The following FRMPD4 variants were observed in gnomAD, a reference collection of about 807,000 sequenced individuals.
The protein encoded by FRMPD4 is FERM and PDZ domain-containing protein 4.
Under a neutral mutation model 94.1 loss-of-function variants are expected in FRMPD4, and 22 were observed. The observed-to-expected ratio is 0.23, with a 90% CI of 0.17 to 0.33. The LOEUF is 0.33. FRMPD4 is among the 10% of genes least tolerant of loss of function. FRMPD4 has a pLI of 1.00. For missense variants in FRMPD4, 1,111 were observed against 1,339.9 expected (o/e 0.83, Z 2.67); for synonymous variants, 631 against 548.6 (o/e 1.15, Z -2.10).
chrX:12,190,303 A>G (rs1291103337), intron 1 of FRMPD4, among the ~76,000 whole-genome samples: 1 of 111,360 alleles, frequency 9.0e-6, no homozygotes, highest in Non-Finnish European at 1.9e-5. Context: ...CTATGGGTTC[A>G]ATACAATCCC....
At chrX:11,900,191 T>C (rs1466321079) in intron 3 of FRMPD4, among the ~76,000 whole-genome samples, 2 of 36,287 alleles carry the variant, frequency 5.5e-5, no homozygotes, top group African/African-American at 7.7e-5. Context: ...TTTCAGAGGA[T>C]TTTTTTTTTT....
chrX:12,156,572 C>T (rs1359113573), intron 1 of FRMPD4, among the ~76,000 whole-genome samples: 3 of 111,998 alleles, frequency 2.7e-5, no homozygotes, highest in Non-Finnish European at 3.8e-5. Context: ...AAATGTGCTT[C>T]TCTGTGTTCC....
intron 2 of FRMPD4, among the ~76,000 whole-genome samples, chrX:12,517,634 T>C (rs1037124635): frequency 3.6e-5 from 4 of 112,551 alleles, no homozygotes; most frequent in Non-Finnish European, 5.6e-5. Flanking sequence ...GGAATGCCCC[T>C]GAATAAGGTA....
chrX:11,979,352 GT>G (rs1193246545), intron 3 of FRMPD4, among the ~76,000 whole-genome samples: 1 of 111,992 alleles, frequency 8.9e-6, no homozygotes, highest in Non-Finnish European at 1.9e-5. Context: ...TTCCCTATTT[GT>G]TCTTTTCTTA....
At chrX:11,977,988 C>T (rs1024403559) in intron 3 of FRMPD4, among the ~76,000 whole-genome samples, 3 of 109,593 alleles carry the variant, frequency 2.7e-5, no homozygotes, top group African/African-American at 1.0e-4. Context: ...TGTCCGACCC[C>T]CACTTCCCAT....
At position 12,138,815 on chromosome X, in the gene FRMPD4, A is replaced by G; in HGVS notation, c.-157A>G. On this transcript the variant is annotated 5_prime_UTR_variant, in exon 1 of 17. Coordinates refer to ENST00000675598, the MANE Select transcript of FRMPD4 (RefSeq NM_001368397.1). Reference sequence around the variant, plus strand: ...GAGGGGGGTAGCAGCCGCCGCCTCCAGGTGCAGGTTCTCTCCGGCCGCCGC... The same window carrying G: ...GAGGGGGGTAGCAGCCGCCGCCTCCGGGTGCAGGTTCTCTCCGGCCGCCGC... 1 of 382,711 alleles carries G rather than the reference A, an allele frequency of 2.6e-6. No individual in the cohort carries two copies. Among genetic ancestry groups the G allele is most frequent in the South Asian group, 7.1e-5 (1 of 14,028 alleles). The allele number at this position is 382,711 out of a possible 1,213,427, so 31.5% of individuals were successfully genotyped here. A position where few individuals can be genotyped will look rare whatever the true frequency, so the allele number is the denominator to read the frequency against.
intron 4 of FRMPD4, among the ~76,000 whole-genome samples, chrX:12,661,168 A>C (rs1275213492): frequency 1.8e-5 from 2 of 112,428 alleles, no homozygotes; most frequent in Non-Finnish European, 3.8e-5. Context: ...GTCCAGATTC[A>C]AGGGGAGGAG....
intron 3 of FRMPD4, among the ~76,000 whole-genome samples, chrX:12,047,777 C>T (rs1417049743): frequency 8.9e-6 from 1 of 112,377 alleles, no homozygotes; most frequent in Non-Finnish European, 1.9e-5. Flanking sequence ...TGTTAGTTCA[C>T]TTAGGATAAT....
chrX:12,282,498 T>A (rs182948779), intron 1 of FRMPD4, among the ~76,000 whole-genome samples: 4 of 112,418 alleles, frequency 3.6e-5, no homozygotes, highest in African/African-American at 1.3e-4. Flanking sequence ...GAGGCAAAAG[T>A]GCCTTGGGCC....
In FRMPD4 at chrX:12,459,223, G is replaced by C. The variant is rs984585917; in HGVS notation, c.42-39457G>C. ...TTTCTCCCAGGATCCTTTTTTTTAA[G>C]TAAGTTGAAATACATATTTTGTTAG... On this transcript the variant is annotated intron_variant, in intron 1 of 16. Coordinates refer to ENST00000675598, the MANE Select transcript of FRMPD4 (RefSeq NM_001368397.1). 3.6e-5 allele frequency among the ~76,000 whole-genome samples: 4 copies of C among 109,892 alleles called. No homozygotes were observed. In the Admixed American group the frequency reaches 3.9e-4, roughly 11 times the overall value.
intron 2 of FRMPD4, among the ~76,000 whole-genome samples, chrX:12,604,124 A>G (rs985694012): frequency 3.0e-5 from 3 of 100,211 alleles, no homozygotes; most frequent in East Asian, 3.0e-4. Context: ...TGGGTAGAGG[A>G]AAAAAAAAAA....
chrX:12,183,710 C>A (rs772270691), intron 1 of FRMPD4, among the ~76,000 whole-genome samples: 1 of 111,156 alleles, frequency 9.0e-6, no homozygotes, highest in African/African-American at 3.3e-5. Context: ...CCCTTGCTGT[C>A]TTCTGTGGAG....
intron 2 of FRMPD4, among the ~76,000 whole-genome samples, chrX:12,509,506 T>C (rs1026185509): frequency 1.8e-5 from 2 of 112,088 alleles, no homozygotes; most frequent in Admixed American, 9.5e-5. Flanking sequence ...ACATCATATG[T>C]TCTCACTCAT....
At chrX:12,173,408 G>A (rs1009735078) in intron 1 of FRMPD4, among the ~76,000 whole-genome samples, 2 of 112,376 alleles carry the variant, frequency 1.8e-5, no homozygotes, top group Non-Finnish European at 3.8e-5. Context: ...GGGATCACCA[G>A]CTTTTCCCTG....
chrX:12,055,444 T>C (rs2054848565), intron 3 of FRMPD4, among the ~76,000 whole-genome samples: 1 of 111,474 alleles, frequency 9.0e-6, no homozygotes, highest in Non-Finnish European at 1.9e-5. Context: ...CACCCCTCTC[T>C]TGCACCTACT....
At chrX:12,297,348 T>C (rs4486384) in intron 1 of FRMPD4, among the ~76,000 whole-genome samples, 11,348 of 111,885 alleles carry the variant, frequency 0.1, 463 homozygotes, top group Admixed American at 0.18. Context: ...GTTCTGGAGG[T>C]TGGGAAGTCT....
At chrX:12,301,275 G>A (rs1441529667) in intron 1 of FRMPD4, among the ~76,000 whole-genome samples, 2 of 111,924 alleles carry the variant, frequency 1.8e-5, no homozygotes, top group Non-Finnish European at 3.8e-5. Flanking sequence ...ATCAGATCGT[G>A]TCTTTCTTTA....
intron 10 of FRMPD4, among the ~76,000 whole-genome samples, chrX:12,703,987 A>C (rs2041832502): frequency 8.9e-6 from 1 of 111,993 alleles, no homozygotes; most frequent in Non-Finnish European, 1.9e-5. Flanking sequence ...GGGAGATTGG[A>C]GAATAGAAAT....
At chrX:12,398,293 A>C (rs1315237456) in intron 1 of FRMPD4, among the ~76,000 whole-genome samples, 1 of 112,290 alleles carries the variant, frequency 8.9e-6, no homozygotes, top group Non-Finnish European at 1.9e-5. Flanking sequence ...AATTAAAAAC[A>C]TAGTTCTCGA....
Sources: allele counts gnomAD v4.1 joint callset (sites outside exome capture counted in the v4.1 genomes callset), GRCh38; gene constraint gnomAD v4.1.1; transcripts MANE v1.5; gene names NCBI Gene and HGNC (gene_info 2026-07-23, HGNC 2026-07-21).